Variants in RNF144A observed in about 807,000 individuals in gnomAD.
RNF144A encodes the protein ring finger protein 144A.
A neutral mutation model predicts 38.7 loss-of-function variants in RNF144A; 11 were observed. That is an observed-to-expected ratio of 0.28 (90% CI 0.18 to 0.47). The LOEUF is 0.47. RNF144A is among the 20% of genes least tolerant of loss of function. The probability of loss-of-function intolerance (pLI) is 0.99; values close to 1 mark genes in which losing one functional copy is unlikely to be tolerated. For synonymous variants in RNF144A, 149 were observed against 143.9 expected, an observed-to-expected ratio of 1.04 and a Z score of -0.25; for missense variants, 316 against 377.2, an observed-to-expected ratio of 0.84 and a Z score of 1.34.
rs1162478665 is a variant in RNF144A at position 6,990,429 on chromosome 2, CACACACAG to C, written c.-11-6485_-11-6478del. On this transcript the variant is annotated intron_variant, in intron 2 of 8. Coordinates refer to ENST00000320892, the MANE Select transcript of RNF144A (RefSeq NM_014746.6). ...ACACACACACACACACACACACACA[CACACACAG>C]AGCTATATATATATATAATATATAA... 2.5e-3 allele frequency among the ~76,000 whole-genome samples: 140 copies of C among 55,762 alleles called. 1 individual carries two copies. Among genetic ancestry groups the C allele is most frequent in the East Asian group, 4.4e-3 (7 of 1,586 alleles). The allele number at this position is 55,762 out of a possible 152,430, so 36.6% of individuals were successfully genotyped here.
chr2:7,035,945 A>G (rs1217065291), intron 8 of RNF144A, among the ~76,000 whole-genome samples: 2 of 152,216 alleles, frequency 1.3e-5, no homozygotes, highest in Non-Finnish European at 2.9e-5. Context: ...TATTCAGTAT[A>G]GCAGAGTCTC....
At chr2:7,068,367 G>T, downstream of RNF144A, 1 of 668,582 alleles carries the variant, frequency 1.5e-6, no homozygotes, top group South Asian at 1.5e-5. Flanking sequence ...TAGTGAAAAT[G>T]GTGGTAGGAT....
chr2:6,996,821 C>A, intron 2 of RNF144A, 95 bp from the exon 3 acceptor site: 1 of 1,335,562 alleles, frequency 7.5e-7, no homozygotes, highest in Non-Finnish European at 1.0e-6. Context: ...TTGGCCACCT[C>A]CCTGGGTCCC....
Position 6,958,373 on chromosome 2 carries a change from G to C in RNF144A, c.-12+17226G>C, listed in dbSNP as rs3772013. On this transcript the variant is annotated intron_variant, in intron 2 of 8. Transcript: ENST00000320892. The surrounding 1 kb of genome is among the most constrained non-coding windows in gnomAD (Gnocchi z 4.5). ...CCTTGCTTTCCTCCCCGACACCCAG[G>C]TGACCACCCAGTTTGGGAGGAAAAC... 0.1 allele frequency among the ~76,000 whole-genome samples: 15,484 copies of C among 152,274 alleles called. 893 individuals are homozygous for C. The highest frequency in any genetic ancestry group is 0.14 in the African/African-American group (5,887 of 41,544).
rs770412959 is a variant in RNF144A at position 7,039,780 on chromosome 2, C to T, written c.*20C>T. ...ACCTAGAGGAAGCGCGATGCTGGAACACATCCCTGCCTCCGGGAAGTGTGG... is the reference window on the plus strand; with the variant it reads ...ACCTAGAGGAAGCGCGATGCTGGAATACATCCCTGCCTCCGGGAAGTGTGG... On this transcript the variant is annotated 3_prime_UTR_variant, in exon 9 of 9. Coordinates refer to ENST00000320892, the MANE Select transcript of RNF144A (RefSeq NM_014746.6). 1.9e-6 allele frequency: 3 copies of T among 1,610,814 alleles called. No homozygotes were observed. The highest frequency in any genetic ancestry group is 1.3e-5 in the African/African-American group (1 of 74,844).
chr2:7,006,985 G>A (rs755509226), intron 3 of RNF144A, among the ~76,000 whole-genome samples: 4 of 152,152 alleles, frequency 2.6e-5, no homozygotes, highest in African/African-American at 7.2e-5. Context: ...GGGCCACTCT[G>A]GAAGCCTTTG....
In RNF144A at chr2:6,943,933, C is replaced by A. The variant is rs543708251; in HGVS notation, c.-12+2786C>A. 6.6e-6 allele frequency among the ~76,000 whole-genome samples: 1 copy of A among 152,168 alleles called. No individual in the cohort carries two copies. Among genetic ancestry groups the A allele is most frequent in the African/African-American group, 2.4e-5 (1 of 41,424 alleles). The stretch of plus-strand genomic sequence containing the variant: ...GCCCACTCGAAGCTCTGGCTCCAGA[C>A]TGAAAGAGCCACTCTGGGTGACTGC... On this transcript the variant is annotated intron_variant, in intron 2 of 8. Coordinates refer to ENST00000320892, the MANE Select transcript of RNF144A (RefSeq NM_014746.6). This position sits in a 1 kb window ranked among gnomAD's most constrained non-coding sequence, Gnocchi z 4.3.
Position 7,040,347 on chromosome 2 carries a change from C to T in RNF144A, c.*587C>T, listed in dbSNP as rs954447508. On this transcript the variant is annotated 3_prime_UTR_variant, in exon 9 of 9. Transcript: ENST00000320892. ...TGCATTTTAAGAAGTTATAGTTAAA[C>T]GACTTTTCAGGAGATTTAGAAAGCC... 1.2e-5 allele frequency: 12 copies of T among 985,346 alleles called. No homozygotes were observed. The highest frequency in any genetic ancestry group is 9.4e-5 in the South Asian group (2 of 21,276). 61.0% of individuals were successfully genotyped at this position (985,346 alleles called of 1,614,324 possible). A position where few individuals can be genotyped will look rare whatever the true frequency, so the allele number is the denominator to read the frequency against.
At chr2:7,012,690 A>G (rs1430358723) in intron 3 of RNF144A, among the ~76,000 whole-genome samples, 2 of 152,026 alleles carry the variant, frequency 1.3e-5, no homozygotes, top group Non-Finnish European at 2.9e-5. Flanking sequence ...GCTGGGTGTG[A>G]CTCCTCTCTT....
At chr2:6,952,725 T>C in intron 2 of RNF144A, among the ~76,000 whole-genome samples, 1 of 151,894 alleles carries the variant, frequency 6.6e-6, no homozygotes, top group East Asian at 1.9e-4. Context: ...TACACACACA[T>C]ATATATGTTT....
chr2:6,919,114 G>A (rs1053428812), intron 1 of RNF144A, among the ~76,000 whole-genome samples: 1 of 152,194 alleles, frequency 6.6e-6, no homozygotes, highest in Non-Finnish European at 1.5e-5. Context: ...GGAGGGAAGG[G>A]AGGGAGTCAG....
intron 1 of RNF144A, among the ~76,000 whole-genome samples, chr2:6,935,494 CT>C (rs761563373): frequency 2.6e-5 from 4 of 152,246 alleles, no homozygotes; most frequent in African/African-American, 4.8e-5. Context: ...CCTCAGGCCT[CT>C]TTTCCTGTCT....
At chr2:6,929,235 A>G (rs1352253044) in intron 1 of RNF144A, among the ~76,000 whole-genome samples, 2 of 152,230 alleles carry the variant, frequency 1.3e-5, no homozygotes, top group East Asian at 1.9e-4. Flanking sequence ...AATTTTTGGC[A>G]TAAGGAGAGA....
chr2:7,010,884 T>A (rs1460676010), intron 3 of RNF144A, among the ~76,000 whole-genome samples: 1 of 151,926 alleles, frequency 6.6e-6, no homozygotes, highest in Non-Finnish European at 1.5e-5. Flanking sequence ...CGGAGCACAG[T>A]GCATTGTGAT....
intron 1 of RNF144A, among the ~76,000 whole-genome samples, chr2:6,931,188 CTG>C (rs1445940609): frequency 1.3e-5 from 2 of 152,346 alleles, no homozygotes; most frequent in African/African-American, 4.8e-5. Flanking sequence ...GAAGGCAAGA[CTG>C]TGGGGACAGA....
intron 6 of RNF144A, among the ~76,000 whole-genome samples, chr2:7,060,885 G>C (rs1382033413): frequency 6.6e-6 from 1 of 152,192 alleles, no homozygotes; most frequent in Admixed American, 6.5e-5. Flanking sequence ...CACTTGTGTT[G>C]AATTGCAAAT....
At chr2:6,954,360 T>TA (rs1037698751) in intron 2 of RNF144A, among the ~76,000 whole-genome samples, 13 of 151,482 alleles carry the variant, frequency 8.6e-5, no homozygotes, top group East Asian at 1.9e-4. Flanking sequence ...GCACAGAAAG[T>TA]AAAAAAAAAG....
intron 1 of RNF144A, among the ~76,000 whole-genome samples, chr2:6,919,573 T>A (rs1664399090): frequency 6.7e-6 from 1 of 149,680 alleles, no homozygotes; most frequent in African/African-American, 2.5e-5. Context: ...TTAGAGTGAT[T>A]TCCGCGGTGT....
At chr2:6,986,032 G>A (rs1572339940) in intron 2 of RNF144A, among the ~76,000 whole-genome samples, 1 of 152,160 alleles carries the variant, frequency 6.6e-6, no homozygotes, top group East Asian at 1.9e-4. Context: ...CTGTGTGGAA[G>A]AGGCCTCTCA....
Sources: gnomAD v4.1 joint callset for allele counts (sites outside exome capture counted in the v4.1 genomes callset) on GRCh38, gnomAD v4.1.1 for gene constraint, Gnocchi (gnomAD v3.1) non-coding constraint, MANE v1.5 for transcripts, NCBI Gene and HGNC (gene_info 2026-07-23, HGNC 2026-07-21) for gene names.